The following PRKG1 variants were observed in gnomAD, a reference collection of about 807,000 sequenced individuals.
The protein encoded by PRKG1 is cGMP-dependent protein kinase 1.
Under a neutral mutation model 88.1 loss-of-function variants are expected in PRKG1, and 35 were observed. The observed-to-expected ratio is 0.40, with a 90% CI of 0.30 to 0.53. The LOEUF (loss-of-function observed/expected upper bound fraction) is 0.53, where lower values mean the gene tolerates loss of function less well. PRKG1 is among the 20% of genes least tolerant of loss of function. PRKG1 has a pLI of 0.59. For synonymous variants in PRKG1, 303 were observed against 292.5 expected, an observed-to-expected ratio of 1.04 and a Z score of -0.37; for missense variants, 540 against 839.8, an observed-to-expected ratio of 0.64 and a Z score of 4.41.
intron 2 of PRKG1, among the ~76,000 whole-genome samples, chr10:51,335,183 T>C (rs1588852796): frequency 1.3e-5 from 2 of 151,988 alleles, no homozygotes; most frequent in Admixed American, 1.3e-4. Flanking sequence ...TGGCTAATTT[T>C]TTATATTTTT....
chr10:51,745,696 T>A (rs561144195), intron 3 of PRKG1, among the ~76,000 whole-genome samples: 1 of 152,282 alleles, frequency 6.6e-6, no homozygotes, highest in South Asian at 2.1e-4. Context: ...GTTAATGATA[T>A]TGTCATTTTT....
At chr10:51,493,278 T>C (rs1240065398) in intron 3 of PRKG1, among the ~76,000 whole-genome samples, 1 of 152,192 alleles carries the variant, frequency 6.6e-6, no homozygotes, top group African/African-American at 2.4e-5. Flanking sequence ...AAATTTTACT[T>C]TGTCCAACAT....
rs1345019498 is a variant in PRKG1, at chr10:51,244,336, T to C, written c.478+91006T>C. On this transcript the variant is annotated intron_variant, in intron 2 of 17. Transcript: ENST00000373980. The stretch of plus-strand genomic sequence containing the variant: ...TTTTTTTTTTTTTTTACCATTTATA[T>C]TGTCAAGGTGAATCCAAGATAATGA... 3.3e-5 allele frequency among the ~76,000 whole-genome samples: 5 copies of C among 151,356 alleles called. No individual in the cohort carries two copies. The East Asian group carries it at 7.8e-4, about 23-fold the overall frequency.
intron 9 of PRKG1, among the ~76,000 whole-genome samples, chr10:52,200,324 T>C (rs1201569707): frequency 6.6e-6 from 1 of 152,186 alleles, no homozygotes; most frequent in African/African-American, 2.4e-5. Flanking sequence ...GGTTTTCTGT[T>C]CCTGCCTTAG....
At chr10:51,058,387 A>T (rs1036237661) in intron 1 of PRKG1, among the ~76,000 whole-genome samples, 2 of 152,076 alleles carry the variant, frequency 1.3e-5, no homozygotes, top group African/African-American at 4.8e-5. Context: ...ATAGACTTAA[A>T]TTTTTAGGTT....
intron 2 of PRKG1, among the ~76,000 whole-genome samples, chr10:51,373,128 A>G (rs1040712452): frequency 1.3e-5 from 2 of 152,210 alleles, no homozygotes; most frequent in Non-Finnish European, 2.9e-5. Flanking sequence ...GAGAGGCAAT[A>G]TAGCATAGTG....
intron 3 of PRKG1, among the ~76,000 whole-genome samples, chr10:51,628,991 AC>A (rs1441646237): frequency 2.0e-5 from 3 of 151,252 alleles, no homozygotes; most frequent in East Asian, 1.9e-4. Context: ...AAAAACAAAA[AC>A]CAAAAAAACT....
intron 8 of PRKG1, among the ~76,000 whole-genome samples, chr10:52,136,433 A>C (rs79531500): frequency 0.023 from 3,531 of 152,156 alleles, 61 homozygotes; most frequent in Non-Finnish European, 0.034. Context: ...CTTTTAAAGC[A>C]TGAAGCAAGG....
chr10:51,855,884 T>G (rs1302532464), intron 4 of PRKG1, among the ~76,000 whole-genome samples: 1 of 152,216 alleles, frequency 6.6e-6, no homozygotes, highest in Non-Finnish European at 1.5e-5. Flanking sequence ...CTTGACGGCT[T>G]AAGAAAACAA....
intron 9 of PRKG1, among the ~76,000 whole-genome samples, chr10:52,209,136 G>C (rs577265036): frequency 6.6e-6 from 1 of 152,262 alleles, no homozygotes; most frequent in South Asian, 2.1e-4. Flanking sequence ...ATATTGCCCT[G>C]GAGTAGGGGG....
At chr10:51,521,558 A>G (rs1442877526) in intron 3 of PRKG1, among the ~76,000 whole-genome samples, 4 of 152,220 alleles carry the variant, frequency 2.6e-5, no homozygotes, top group African/African-American at 7.2e-5. Context: ...GGCCCAAAAT[A>G]CACTTTAAAA....
chr10:52,264,582 C>T (rs141570085), intron 10 of PRKG1, among the ~76,000 whole-genome samples: 46 of 152,134 alleles, frequency 3.0e-4, no homozygotes, highest in Admixed American at 2.2e-3. Context: ...AGAGCCAAAA[C>T]TAAAAAATGG....
chr10:51,724,266 C>A (rs984289812), intron 3 of PRKG1, among the ~76,000 whole-genome samples: 1 of 152,192 alleles, frequency 6.6e-6, no homozygotes, highest in Non-Finnish European at 1.5e-5. Context: ...GCTCAGTGAC[C>A]TTCTGCACTA....
intron 2 of PRKG1, among the ~76,000 whole-genome samples, chr10:51,254,319 G>T (rs1160313685): frequency 1.3e-5 from 2 of 151,878 alleles, no homozygotes; most frequent in African/African-American, 2.4e-5. Context: ...GTTATCCAAT[G>T]TATACATTTT....
rs73343344 is a variant in PRKG1, at chr10:51,706,222, T to C, written c.593-98363T>C. On this transcript the variant is annotated intron_variant, in intron 3 of 17. Transcript: ENST00000373980. ...AATTAATTTGGTATATAACTTTTTTTCCCAAAATGCTTAGTGTATTTAATA... is the reference window on the plus strand; with the variant it reads ...AATTAATTTGGTATATAACTTTTTTCCCCAAAATGCTTAGTGTATTTAATA... Among the ~76,000 whole-genome samples, 633 of 152,348 alleles carry C rather than the reference T, an allele frequency of 4.2e-3. 3 individuals carry two copies. Among genetic ancestry groups the C allele is most frequent in the African/African-American group, 0.015 (611 of 41,584 alleles).
At chr10:51,722,184 G>T (rs902889693) in intron 3 of PRKG1, among the ~76,000 whole-genome samples, 2 of 151,616 alleles carry the variant, frequency 1.3e-5, no homozygotes, top group South Asian at 4.2e-4. Context: ...AGCCGAGATC[G>T]TGCCACTGCA....
At chr10:51,834,591 T>C (rs1174128457) in intron 4 of PRKG1, among the ~76,000 whole-genome samples, 1 of 151,378 alleles carries the variant, frequency 6.6e-6, no homozygotes, top group Non-Finnish European at 1.5e-5. Flanking sequence ...CAGTGATTCA[T>C]GAGTGTGACA....
chr10:52,124,306 G>A (rs947564214), intron 7 of PRKG1, among the ~76,000 whole-genome samples: 1 of 152,146 alleles, frequency 6.6e-6, no homozygotes, highest in African/African-American at 2.4e-5. Flanking sequence ...TAAGCTCCAT[G>A]GTATAGCCTA....
chr10:51,181,953 C>T (rs1200234326), intron 2 of PRKG1, among the ~76,000 whole-genome samples: 1 of 152,192 alleles, frequency 6.6e-6, no homozygotes, highest in East Asian at 1.9e-4. Context: ...AAAACTACTT[C>T]TGATGTGGCA....
Sources: allele counts gnomAD v4.1 joint callset (sites outside exome capture counted in the v4.1 genomes callset), GRCh38; gene constraint gnomAD v4.1.1; transcripts MANE v1.5; gene names NCBI Gene and HGNC (gene_info 2026-07-23, HGNC 2026-07-21).